The following DCSTAMP variants were observed in gnomAD, a reference collection of about 807,000 sequenced individuals.
DCSTAMP encodes dendritic cell-specific transmembrane protein.
DCSTAMP carries 25 observed loss-of-function variants against 33.8 expected under a neutral mutation model. The ratio of observed to expected loss-of-function variants is 0.74; its 90% CI spans 0.54 to 1.03. DCSTAMP has a LOEUF of 1.03. Ranked by LOEUF, DCSTAMP falls within the 50% of genes least tolerant of loss-of-function variation. The probability of loss-of-function intolerance (pLI) is 0.00; values close to 1 mark genes in which losing one functional copy is unlikely to be tolerated. For missense variants in DCSTAMP, 531 were observed against 556.8 expected, an observed-to-expected ratio of 0.95 and a Z score of 0.47; for synonymous variants, 245 against 216.7, an observed-to-expected ratio of 1.13 and a Z score of -1.15.
chr8:104,342,836 C>T (rs999163765), intron 1 of DCSTAMP, among the ~76,000 whole-genome samples: 23 of 152,126 alleles, frequency 1.5e-4, no homozygotes, highest in African/African-American at 2.2e-4. Flanking sequence ...CCGGGGTGCC[C>T]GAGTTTAAGG....
At chr8:104,354,625 C>T (rs577470258) in intron 2 of DCSTAMP, among the ~76,000 whole-genome samples, 3 of 152,292 alleles carry the variant, frequency 2.0e-5, no homozygotes, top group African/African-American at 7.2e-5. Context: ...GTATTTAATA[C>T]ACTTCTCTCA....
chr8:104,351,164 C>CGTTT (rs1554687290), intron 2 of DCSTAMP, among the ~76,000 whole-genome samples: 2 of 152,062 alleles, frequency 1.3e-5, no homozygotes, highest in Non-Finnish European at 2.9e-5. Flanking sequence ...GGCATCCCAT[C>CGTTT]GTTTATCTTT....
In DCSTAMP at chr8:104,345,084, C is replaced by A. The variant is rs879573499; in HGVS notation, c.-12-3457C>A. 2.6e-5 allele frequency among the ~76,000 whole-genome samples: 4 copies of A among 152,068 alleles called. No homozygotes were observed. The East Asian group carries it at 7.8e-4, about 30-fold the overall frequency. ...GATTATAGCCATGAGCCACCACGCT[C>A]AGCCTCCAGTGCCTGTCTCTAAGCC... On this transcript the variant is annotated intron_variant, in intron 1 of 3. Coordinates refer to ENST00000297581, the MANE Select transcript of DCSTAMP (RefSeq NM_030788.4).
intron 1 of DCSTAMP, among the ~76,000 whole-genome samples, chr8:104,343,358 A>C (rs1444983763): frequency 1.3e-5 from 2 of 152,214 alleles, no homozygotes; most frequent in African/African-American, 4.8e-5. Flanking sequence ...ATTAATAACT[A>C]CCGTCTATTA....
rs956794899 is a variant in DCSTAMP at position 104,348,809 on chromosome 8, T to G, written c.257T>G (p.Phe86Cys). The change falls in exon 2 of 4, where the codon TTT becomes TGT. Residue 86 changes from phenylalanine to cysteine, a missense_variant. Physicochemically the swap from Phe to Cys is radical, Grantham distance 205 (BLOSUM62 -2). Coordinates refer to ENST00000297581, the MANE Select transcript of DCSTAMP (RefSeq NM_030788.4). ...KHARCFILLV[F>C]LSCGLREGRN... ...GCACGATGTTTTATTCTTCTTGTCT[T>G]TCTCTCTTGTGGCCTGCGTGAAGGC... 6.2e-7 allele frequency: 1 copy of G among 1,614,098 alleles called. No individual in the cohort carries two copies. Among genetic ancestry groups the G allele is most frequent in the Non-Finnish European group, 8.5e-7 (1 of 1,180,050 alleles).
intron 2 of DCSTAMP, among the ~76,000 whole-genome samples, chr8:104,353,667 T>C (rs944215265): frequency 1.3e-5 from 2 of 152,248 alleles, no homozygotes; most frequent in Non-Finnish European, 2.9e-5. Context: ...TAGATTTGAT[T>C]TGGCATTTGT....
Position 104,348,604 on chromosome 8 carries a change from T to C in DCSTAMP, c.52T>C (p.Tyr18His). ...TATCTTCCTAAGTCTTTGGGAGATTTACGTGTCTCCAAGAAGCCCCGGATG... is the reference window on the plus strand; with the variant it reads ...TATCTTCCTAAGTCTTTGGGAGATTCACGTGTCTCCAAGAAGCCCCGGATG... ...TDIFLSLWEI[Y>H]VSPRSPGWMD... Residue 18 changes from tyrosine (Y) to histidine (H), a missense_variant, in exon 2 of 4, where the codon TAC becomes CAC. Transcript: ENST00000297581. The C allele has an allele frequency of 1.2e-6, 2 of 1,614,232 alleles. No individual in the cohort carries two copies. The highest frequency in any genetic ancestry group is 1.7e-6 in the Non-Finnish European group (2 of 1,180,042).
intron 2 of DCSTAMP, among the ~76,000 whole-genome samples, chr8:104,353,986 G>A (rs747168182): frequency 3.3e-5 from 5 of 152,174 alleles, no homozygotes; most frequent in Non-Finnish European, 5.9e-5. Flanking sequence ...ACTTTCCCAG[G>A]TCAGAGAAAG....
chr8:104,344,938 C>T (rs913254461), intron 1 of DCSTAMP, among the ~76,000 whole-genome samples: 7 of 152,054 alleles, frequency 4.6e-5, no homozygotes, highest in African/African-American at 1.4e-4. Flanking sequence ...TTGGTACAAT[C>T]CAGCTCCTAT....
Position 104,349,103 on chromosome 8 carries a change from C to A in DCSTAMP, c.551C>A (p.Ala184Glu). ...TTCAGTCCCAGCCATGTCCTGGAGG[C>A]ACAGCTAAATGACAGCAAAGGGGAA... ...SLFSPSHVLE[A>E]QLNDSKGEVL... The change falls in exon 2 of 4, where the codon GCA becomes GAA. Residue 184 changes from alanine (A) to glutamate (E), a missense_variant. Coordinates refer to ENST00000297581, the MANE Select transcript of DCSTAMP (RefSeq NM_030788.4). The A allele has an allele frequency of 6.2e-7, 1 of 1,614,150 alleles. No individual in the cohort carries two copies. Among genetic ancestry groups the A allele is most frequent in the Non-Finnish European group, 8.5e-7 (1 of 1,180,034 alleles).
chr8:104,339,825 T>A (rs148417704), upstream of DCSTAMP: 1 of 152,340 alleles, frequency 6.6e-6, no homozygotes, highest in African/African-American at 2.4e-5. Flanking sequence ...CCTTGGGAAG[T>A]GCATTTCTGC....
chr8:104,351,224 G>A (rs2514670), intron 2 of DCSTAMP, among the ~76,000 whole-genome samples: 11 of 152,128 alleles, frequency 7.2e-5, no homozygotes, highest in East Asian at 5.8e-4. Flanking sequence ...ACATTTCAGA[G>A]GATCTGGATA....
Position 104,348,852 on chromosome 8 carries a change from A to G in DCSTAMP, c.300A>G (p.Ala100=). The change falls in exon 2 of 4, where the codon GCA becomes GCG. Residue 100 remains alanine (A), a synonymous_variant. Coordinates refer to ENST00000297581, the MANE Select transcript of DCSTAMP (RefSeq NM_030788.4). ...GLREGRNALI[A]AGTGIVILGH... is the part of the protein sequence containing the mutation. ...GTGAAGGCAGGAATGCTTTGATTGC[A>G]GCTGGCACAGGGATCGTCATCTTGG... The G allele has an allele frequency of 6.2e-7, 1 of 1,614,206 alleles. No homozygotes were observed. The highest frequency in any genetic ancestry group is 1.1e-5 in the South Asian group (1 of 91,080).
At chr8:104,353,648 G>T (rs1187702781) in intron 2 of DCSTAMP, among the ~76,000 whole-genome samples, 1 of 152,342 alleles carries the variant, frequency 6.6e-6, no homozygotes, top group Non-Finnish European at 1.5e-5. Flanking sequence ...CACAGTGCTG[G>T]GGAAATTATA....
chr8:104,345,748 A>G (rs1398444175), intron 1 of DCSTAMP, among the ~76,000 whole-genome samples: 2 of 152,246 alleles, frequency 1.3e-5, no homozygotes, highest in Non-Finnish European at 2.9e-5. Context: ...GAAGGAAGCA[A>G]AATGGTGCCT....
chr8:104,355,235 G>A (rs1431092806), intron 3 of DCSTAMP, 50 bp downstream of exon 3: 3 of 1,551,678 alleles, frequency 1.9e-6, no homozygotes, highest in South Asian at 1.2e-5. Flanking sequence ...TGTTGAGTTT[G>A]GAGGGAAATG....
At chr8:104,347,136 T>C (rs1324486652) in intron 1 of DCSTAMP, among the ~76,000 whole-genome samples, 1 of 152,268 alleles carries the variant, frequency 6.6e-6, no homozygotes, top group East Asian at 1.9e-4. Flanking sequence ...TCTGAGAGCA[T>C]CACAGACCTA....
intron 1 of DCSTAMP, among the ~76,000 whole-genome samples, chr8:104,345,854 T>A (rs745364680): frequency 6.6e-6 from 1 of 152,238 alleles, no homozygotes; most frequent in Admixed American, 6.5e-5. Context: ...CAGAGTCAAC[T>A]ATTTTGATGC....
chr8:104,343,374 A>T (rs568330239), intron 1 of DCSTAMP, among the ~76,000 whole-genome samples: 2 of 152,350 alleles, frequency 1.3e-5, no homozygotes, highest in Admixed American at 1.3e-4. Context: ...TATTATTAGG[A>T]GTATTTCACT....
Sources: gnomAD v4.1 joint callset for allele counts (sites outside exome capture counted in the v4.1 genomes callset) on GRCh38, gnomAD v4.1.1 for gene constraint, MANE v1.5 for transcripts, NCBI Gene and HGNC (gene_info 2026-07-23, HGNC 2026-07-21) for gene names.